The following NRAP variants were observed in gnomAD, a reference collection of about 807,000 sequenced individuals.
The protein encoded by NRAP is nebulin-related-anchoring protein.
Under a neutral mutation model 225.9 loss-of-function variants are expected in NRAP, and 189 were observed. The observed-to-expected ratio is 0.84, with a 90% CI of 0.74 to 0.94. NRAP has a LOEUF of 0.94. Ranked by LOEUF, NRAP falls within the 40% of genes least tolerant of loss-of-function variation. NRAP has a pLI of 0.00. For synonymous variants in NRAP, 769 were observed against 790.7 expected (o/e 0.97, Z 0.46); for missense variants, 2,176 against 2,168.7 (o/e 1.00, Z -0.07).
At position 113,650,041 on chromosome 10, in the gene NRAP, C is replaced by A. The variant is rs1849844290; in HGVS notation, c.884G>T (p.Gly295Val). The A allele has an allele frequency of 6.4e-7, 1 of 1,559,832 alleles. No homozygotes were observed. ...ILTRECADQY[G>V]QGYPEEYEEH... is the part of the protein sequence containing the mutation. ...GGAGATCATTTTATCACATACCTGG[C>A]CATATTGGTCTGCACATTCCCTTGT... The change falls in exon 9 of 42, where the codon GGC becomes GTC. Residue 295 changes from glycine (G) to valine (V), a missense_variant. Physicochemically the swap from Gly to Val is moderately radical, Grantham distance 109 (BLOSUM62 -3). This residue lies in a region of NRAP where 1,708 missense variants were observed against 1,695.5 expected (regional missense o/e 1.01). Transcript: ENST00000359988.
At position 113,590,906 on chromosome 10, in the gene NRAP, C is replaced by T. The variant is rs1471646983; in HGVS notation, c.4645-17G>A. The stretch of plus-strand genomic sequence containing the variant: ...GTACCGGAACTGCAAGTCAGAGGAG[C>T]AGAGGCAGATCATGGGTGCCTACCT... On this transcript the variant is annotated splice_polypyrimidine_tract_variant and intron_variant, in intron 39 of 41. Transcript: ENST00000359988. 3 of 1,609,938 alleles carry T rather than the reference C, an allele frequency of 1.9e-6. No individual in the cohort carries two copies. Among genetic ancestry groups the T allele is most frequent in the Admixed American group, 1.7e-5 (1 of 59,924 alleles).
chr10:113,663,973 G>C lies in NRAP; in HGVS notation c.-91C>G. 1.0e-6 allele frequency: 1 copy of C among 988,356 alleles called. No homozygotes were observed. The highest frequency in any genetic ancestry group is 1.6e-6 in the Non-Finnish European group (1 of 622,380). The allele number at this position is 988,356 out of a possible 1,614,324, so 61.2% of individuals were successfully genotyped here. A position where few individuals can be genotyped will look rare whatever the true frequency, so the allele number is the denominator to read the frequency against. ...CTAGTTCAAGTCTTCAAAATCCGAC[G>C]ACCATAAAATTCCTGTGGGCACCTC... On this transcript the variant is annotated 5_prime_UTR_variant, in exon 1 of 42. Transcript: ENST00000359988.
rs138559375 is a variant in NRAP at position 113,626,309 on chromosome 10, A to C, written c.2146-164T>G. Among the ~76,000 whole-genome samples, 6 of 152,332 alleles carry C rather than the reference A, an allele frequency of 3.9e-5. No individual in the cohort carries two copies. In the East Asian group the frequency reaches 7.7e-4, roughly 20 times the overall value. On this transcript the variant is annotated intron_variant, in intron 20 of 41. Coordinates refer to ENST00000359988, the MANE Select transcript of NRAP (RefSeq NM_198060.4). ...GCTTGAACAGAACCACACAGCCCTG[A>C]GACAGCCTGTTCCAGTGAACTTGAT...
At chr10:113,611,950 T>C (rs748526977) in intron 30 of NRAP, among the ~76,000 whole-genome samples, 3 of 152,238 alleles carry the variant, frequency 2.0e-5, no homozygotes, top group Non-Finnish European at 2.9e-5. Flanking sequence ...TCACTGTAAT[T>C]TCTCTGTAAA....
In NRAP at chr10:113,589,665, C is replaced by T. The variant is rs11575789; in HGVS notation, c.5088+1G>A. On this transcript the variant is annotated splice_donor_variant, in intron 41 of 41. Coordinates refer to ENST00000359988, the MANE Select transcript of NRAP (RefSeq NM_198060.4). LOFTEE classifies it high-confidence loss of function. ...GGGTGGCTTTGCAGCTTGCTACTCA[C>T]GTAAGCTCCCTGGAGACCCAGGCCC... 294 of 1,613,582 alleles carry T rather than the reference C, an allele frequency of 1.8e-4. 1 individual carries two copies. In the African/African-American group the frequency reaches 3.2e-3, roughly 17 times the overall value.
rs111587631 is a variant in NRAP, at chr10:113,661,379, TGTAGAGAGC to T, written c.255+1291_255+1299del. On this transcript the variant is annotated intron_variant, in intron 3 of 41. Coordinates refer to ENST00000359988, the MANE Select transcript of NRAP (RefSeq NM_198060.4). ...GAAAATAAGGTATCTTGGCAGCATG[TGTAGAGAGC>T]CACACAGCAAGGTCACTACCTCTAT... Among the ~76,000 whole-genome samples, 740 of 152,286 alleles carry T rather than the reference TGTAGAGAGC, an allele frequency of 4.9e-3. 5 individuals carry two copies. The highest frequency in any genetic ancestry group is 0.017 in the African/African-American group (701 of 41,556).
intron 9 of NRAP, among the ~76,000 whole-genome samples, chr10:113,648,467 C>CTCTCTCTCTCTCTCTCTCTATA (rs749486311): frequency 1.1e-5 from 1 of 87,360 alleles, no homozygotes; most frequent in African/African-American, 4.5e-5. Context: ...CTCTCTCTCT[C>CTCTCTCTCTCTCTCTCTCTATA]TATATATATA....
chr10:113,591,601 T>G (rs1332264132), intron 39 of NRAP, among the ~76,000 whole-genome samples: 1 of 152,226 alleles, frequency 6.6e-6, no homozygotes, highest in African/African-American at 2.4e-5. Context: ...CAGGTGCGCC[T>G]CCGTCTAGCA....
chr10:113,637,863 T>C (rs3127101), intron 14 of NRAP, among the ~76,000 whole-genome samples: 83,921 of 151,222 alleles, frequency 0.55, 24,487 homozygotes, highest in East Asian at 0.73. Context: ...CAGAGGTTGC[T>C]ATGAGCCGAG....
chr10:113,656,869 G>A (rs1004088591), intron 4 of NRAP, among the ~76,000 whole-genome samples: 1 of 152,126 alleles, frequency 6.6e-6, no homozygotes, highest in Non-Finnish European at 1.5e-5. Context: ...TGGAGGTGGT[G>A]GATAAAGGGT....
intron 14 of NRAP, among the ~76,000 whole-genome samples, chr10:113,639,591 G>GT (rs1849080089): frequency 6.6e-6 from 1 of 152,182 alleles, no homozygotes; most frequent in African/African-American, 2.4e-5. Flanking sequence ...TTTTAAGCTA[G>GT]TAGGTGACTT....
Position 113,614,215 on chromosome 10 carries a change from G to A in NRAP, c.3268C>T (p.His1090Tyr), listed in dbSNP as rs1564716325. The A allele has an allele frequency of 6.2e-7, 1 of 1,613,870 alleles. No individual in the cohort carries two copies. The highest frequency in any genetic ancestry group is 1.7e-5 in the Admixed American group (1 of 60,024). Residue 1090 changes from histidine to tyrosine, a missense_variant, in exon 29 of 42, where the codon CAT (histidine) becomes TAT (tyrosine). His to Tyr is a moderately conservative substitution (Grantham distance 83, BLOSUM62 2). Around this residue, in one of 3 missense-constraint regions of NRAP, gnomAD observed 1,708 missense variants for 1,695.5 expected, o/e 1.01. Coordinates refer to ENST00000359988, the MANE Select transcript of NRAP (RefSeq NM_198060.4). Reference sequence around the variant, plus strand: ...TGCAGTGAGGTCGCATACACTGAATGTGCAAGGCTGATATCATCTTCCAAG... The same window carrying A: ...TGCAGTGAGGTCGCATACACTGAATATGCAAGGCTGATATCATCTTCCAAG... ...RSLEDDISLA[H>Y]SVYATSLQSD...
At chr10:113,644,003 C>T (rs988870408) in intron 11 of NRAP, among the ~76,000 whole-genome samples, 1 of 151,892 alleles carries the variant, frequency 6.6e-6, no homozygotes, top group Non-Finnish European at 1.5e-5. Flanking sequence ...AAAAAATTAG[C>T]TGGGCATGGT....
chr10:113,648,467 C>CTCTCTCTCTCTCTCTA (rs749486311), intron 9 of NRAP, among the ~76,000 whole-genome samples: 74 of 87,366 alleles, frequency 8.5e-4, no homozygotes, highest in South Asian at 2.0e-3. Context: ...CTCTCTCTCT[C>CTCTCTCTCTCTCTCTA]TATATATATA....
chr10:113,645,872 T>C lies in NRAP; in HGVS notation c.1063A>G (p.Asn355Asp), dbSNP rs958180497. Reference protein sequence around the residue: ...AHYHSLPAQDNLVLKQAQSVN... With the variant: ...AHYHSLPAQDDLVLKQAQSVN... ...CTCTGAGCCTGTTTGAGAACCAAGT[T>C]GTCTTGAGCTGGAAGCGAGTGATAA... Residue 355 changes from asparagine (N) to aspartate (D), a missense_variant, in exon 11 of 42, where the codon AAC (asparagine) becomes GAC (aspartate). Physicochemically the swap from Asn to Asp is conservative, Grantham distance 23. Transcript: ENST00000359988. 1 of 1,611,258 alleles carries C rather than the reference T, an allele frequency of 6.2e-7. No homozygotes were observed. Among genetic ancestry groups the C allele is most frequent in the Non-Finnish European group, 8.5e-7 (1 of 1,178,258 alleles).
chr10:113,622,332 T>A (rs1848047396), intron 23 of NRAP, 152 bp from the exon 24 acceptor site: 1 of 603,602 alleles, frequency 1.7e-6, no homozygotes, highest in Non-Finnish European at 2.9e-6. Context: ...GAGCATCCGA[T>A]ACATTTTCTT....
intron 28 of NRAP, 36 bp downstream of exon 28, chr10:113,614,803 T>C (rs747357891): frequency 1.6e-6 from 2 of 1,278,870 alleles, no homozygotes; most frequent in Admixed American, 3.4e-5. Flanking sequence ...CGGGTTAGTG[T>C]TGAACATTGT....
rs763330113 is a variant in NRAP at position 113,617,498 on chromosome 10, G to C, written c.2930C>G (p.Pro977Arg). 1.7e-5 allele frequency: 28 copies of C among 1,612,264 alleles called. No homozygotes were observed. Among genetic ancestry groups the C allele is most frequent in the Non-Finnish European group, 2.2e-5 (26 of 1,178,548 alleles). The change falls in exon 26 of 42, where the codon CCG becomes CGG. Residue 977 changes from proline to arginine, a missense_variant. Physicochemically the swap from Pro to Arg is moderately radical, Grantham distance 103. Coordinates refer to ENST00000359988, the MANE Select transcript of NRAP (RefSeq NM_198060.4). ...ALKFTSIKDTPEMVQARISYT... is the reference protein window; with the variant it reads ...ALKFTSIKDTREMVQARISYT... ...ACTAATTCTGGCCTGGACCATCTCC[G>C]GAGTGTCTTTAATACTGGTAAACTT...
chr10:113,629,844 G>A, intron 18 of NRAP, 59 bp from the exon 19 acceptor site: 1 of 1,203,470 alleles, frequency 8.3e-7, no homozygotes, highest in Non-Finnish European at 1.2e-6. Flanking sequence ...TTGCAGGAGT[G>A]ATGTGAAAAT....
Sources: allele counts gnomAD v4.1 joint callset (sites outside exome capture counted in the v4.1 genomes callset), GRCh38; gene constraint gnomAD v4.1.1; regional missense constraint gnomAD v4.1.1; transcripts MANE v1.5; gene names NCBI Gene and HGNC (gene_info 2026-07-23, HGNC 2026-07-21).